The following ADORA3 variants were observed in gnomAD, a reference collection of about 807,000 sequenced individuals.
The protein encoded by ADORA3 is adenosine receptor A3.
Under a neutral mutation model 5.7 loss-of-function variants are expected in ADORA3, and 3 were observed. The ratio of observed to expected loss-of-function variants is 0.52; its 90% CI spans 0.24 to 1.35. The LOEUF (loss-of-function observed/expected upper bound fraction) is 1.35, where lower values mean the gene tolerates loss of function less well. ADORA3 is among the 40% of genes most tolerant of loss of function. The probability of loss-of-function intolerance (pLI) is 0.17; values close to 1 mark genes in which losing one functional copy is unlikely to be tolerated. For synonymous variants in ADORA3, 168 were observed against 152.3 expected, an observed-to-expected ratio of 1.10 and a Z score of -0.76; for missense variants, 343 against 389.0, an observed-to-expected ratio of 0.88 and a Z score of 0.99.
chr1:111,501,854 A>T (rs1236873662), intron 1 of ADORA3, among the ~76,000 whole-genome samples: 1 of 151,856 alleles, frequency 6.6e-6, no homozygotes, highest in East Asian at 1.9e-4. Flanking sequence ...AAGTGACGAG[A>T]AACACGAGAC....
At position 111,499,961 on chromosome 1, in the gene ADORA3, T is replaced by A. The variant is rs745764662; in HGVS notation, c.946A>T (p.Asn316Tyr). 2.4e-5 allele frequency: 39 copies of A among 1,613,798 alleles called. No homozygotes were observed. The highest frequency in any genetic ancestry group is 4.0e-5 in the African/African-American group (3 of 74,894). Residue 316 changes from asparagine to tyrosine, a missense_variant, in exon 2 of 2, where the codon AAT becomes TAT. Coordinates refer to ENST00000241356, the MANE Select transcript of ADORA3 (RefSeq NM_000677.4). Reference sequence around the variant, plus strand: ...TCTCTGATGGATAACTACTCAGAATTCTTCTCAATGCTTGTGTCCAAAGAA... The same window carrying A: ...TCTCTGATGGATAACTACTCAGAATACTTCTCAATGCTTGTGTCCAAAGAA... Reference protein sequence around the residue: ...SDSLDTSIEKNSE With the variant: ...SDSLDTSIEKYSE
At chr1:111,501,398 A>G (rs2100979481) in intron 1 of ADORA3, 1 of 152,340 alleles carries the variant, frequency 6.6e-6, no homozygotes, top group East Asian at 1.9e-4. Flanking sequence ...ATAGTTAAGT[A>G]TCAGTAGATT....
rs1655065669 is a variant in ADORA3 at position 111,499,770 on chromosome 1, G to C, written c.*180C>G. 7.0e-7 allele frequency: 1 copy of C among 1,429,370 alleles called. No individual in the cohort carries two copies. Among genetic ancestry groups the C allele is most frequent in the East Asian group, 2.5e-5 (1 of 40,112 alleles). The allele number at this position is 1,429,370 out of a possible 1,614,324, so 88.5% of individuals were successfully genotyped here. Reference sequence around the variant, plus strand: ...TAGAGAGAAAGGACAAGGGAAAAATGAAGTGGAGGAAGAGAGTAGTGGAGT... The same window carrying C: ...TAGAGAGAAAGGACAAGGGAAAAATCAAGTGGAGGAAGAGAGTAGTGGAGT... On this transcript the variant is annotated 3_prime_UTR_variant, in exon 2 of 2. Coordinates refer to ENST00000241356, the MANE Select transcript of ADORA3 (RefSeq NM_000677.4).
chr1:111,502,544 C>T (rs923427271), intron 1 of ADORA3, among the ~76,000 whole-genome samples: 1 of 147,988 alleles, frequency 6.8e-6, no homozygotes, highest in Non-Finnish European at 1.5e-5. Flanking sequence ...GAAGTAGGCA[C>T]AGAATAGGAA....
Position 111,500,212 on chromosome 1 carries a change from A to G in ADORA3, c.695T>C (p.Leu232Ser), listed in dbSNP as rs765761620. 7 of 1,614,170 alleles carry G rather than the reference A, an allele frequency of 4.3e-6. No homozygotes were observed. The East Asian group carries it at 1.6e-4, about 36-fold the overall frequency. Residue 232 changes from leucine (L) to serine (S), a missense_variant, in exon 2 of 2, where the codon TTG becomes TCG. Physicochemically the swap from Leu to Ser is moderately radical, Grantham distance 145 (BLOSUM62 -2). Transcript: ENST00000241356. ...YGREFKTAKSLFLVLFLFALS... is the reference protein window; with the variant it reads ...YGREFKTAKSSFLVLFLFALS... ...AGCAAACAAGAAAAGAACCAGAAAC[A>G]AGGACTTAGCCGTCTTGAACTCCCG...
Position 111,499,854 on chromosome 1 carries a change from G to A in ADORA3, c.*96C>T. The A allele has an allele frequency of 6.5e-7, 1 of 1,541,890 alleles. No homozygotes were observed. Among genetic ancestry groups the A allele is most frequent in the Non-Finnish European group, 8.7e-7 (1 of 1,147,846 alleles). On this transcript the variant is annotated 3_prime_UTR_variant, in exon 2 of 2. Transcript: ENST00000241356. Reference sequence around the variant, plus strand: ...TCCCACCTCAGTGGAAGTAATCAAGGATGTAAAAATCCCTTGGCCCAGGCA... The same window carrying A: ...TCCCACCTCAGTGGAAGTAATCAAGAATGTAAAAATCCCTTGGCCCAGGCA...
chr1:111,502,161 T>C, intron 1 of ADORA3, among the ~76,000 whole-genome samples: 1 of 71,966 alleles, frequency 1.4e-5, no homozygotes, highest in Non-Finnish European at 2.6e-5. Context: ...ATAGGATATA[T>C]ATTTATTATA....
intron 1 of ADORA3, among the ~76,000 whole-genome samples, chr1:111,501,955 C>A (rs779779970): frequency 3.4e-5 from 5 of 148,034 alleles, no homozygotes; most frequent in Non-Finnish European, 5.9e-5. Context: ...AATATTTTTA[C>A]GAAAAAAGCT....
At chr1:111,502,108 AAT>A (rs1655221411) in intron 1 of ADORA3, among the ~76,000 whole-genome samples, 1 of 27,848 alleles carries the variant, frequency 3.6e-5, no homozygotes, top group Non-Finnish European at 9.3e-5. Flanking sequence ...ATATATATTT[AAT>A]ATAATAAATA....
chr1:111,502,837 A>G (rs1488283498), intron 1 of ADORA3, among the ~76,000 whole-genome samples, 168 bp downstream of exon 1: 1 of 152,024 alleles, frequency 6.6e-6, no homozygotes, highest in Non-Finnish European at 1.5e-5. Context: ...GTCCCAGCCC[A>G]TTGTTGCTAA....
intron 1 of ADORA3, 68 bp downstream of exon 1, chr1:111,502,916 ACATTTTTACTCAAAAAGTCTG>A (rs1655316071): frequency 6.7e-7 from 1 of 1,493,162 alleles, no homozygotes; most frequent in Admixed American, 2.1e-5. Context: ...CAATTTGGAT[ACATTTTTACTCAAAAAGTCTG>A]GGCTCTGGGC....
chr1:111,502,944 G>T, intron 1 of ADORA3, 61 bp downstream of exon 1: 1 of 1,586,272 alleles, frequency 6.3e-7, no homozygotes, highest in East Asian at 2.3e-5. Context: ...TCTGGGCTCT[G>T]GGCTTTGTAG....
rs1280527262 is a variant in ADORA3, at chr1:111,499,635, A to G, written c.*315T>C. ...AACTGGAGCCTTTTGTCAGTAAGTCAACTAGGCACCCTTCAGGCTCCATGA... is the reference window on the plus strand; with the variant it reads ...AACTGGAGCCTTTTGTCAGTAAGTCGACTAGGCACCCTTCAGGCTCCATGA... On this transcript the variant is annotated 3_prime_UTR_variant, in exon 2 of 2. Transcript: ENST00000241356. The G allele has an allele frequency of 2.7e-6, 3 of 1,128,148 alleles. No homozygotes were observed. Among genetic ancestry groups the G allele is most frequent in the Non-Finnish European group, 3.3e-6 (3 of 916,078 alleles). The allele number at this position is 1,128,148 out of a possible 1,614,324, so 69.9% of individuals were successfully genotyped here.
intron 1 of ADORA3, chr1:111,500,891 C>T: frequency 2.3e-6 from 1 of 427,004 alleles, no homozygotes; most frequent in Non-Finnish European, 4.1e-6. Flanking sequence ...TTACTGAGAG[C>T]TATACAACTG....
At position 111,503,291 on chromosome 1, in the gene ADORA3, T is replaced by C; in HGVS notation, c.64A>G (p.Ile22Val). The C allele has an allele frequency of 1.9e-6, 3 of 1,614,156 alleles. No individual in the cohort carries two copies. Among genetic ancestry groups the C allele is most frequent in the Non-Finnish European group, 8.5e-7 (1 of 1,180,008 alleles). Residue 22 changes from isoleucine to valine, a missense_variant, in exon 1 of 2, where the codon ATT becomes GTT. Transcript: ENST00000241356. ...TTGCCCACTATGGCGCAGAGTCCAA[T>C]GAAAATTTCCATGGTGATGTAGGTA... ...NVTYITMEIF[I>V]GLCAIVGNVL...
At position 111,503,041 on chromosome 1, in the gene ADORA3, G is replaced by A. The variant is rs767595515; in HGVS notation, c.314C>T (p.Ala105Val). The change falls in exon 1 of 2, where the codon GCT becomes GTT. Residue 105 changes from alanine (A) to valine (V), a missense_variant. Physicochemically the swap from Ala to Val is moderately conservative, Grantham distance 64. Coordinates refer to ENST00000241356, the MANE Select transcript of ADORA3 (RefSeq NM_000677.4). ...HASIMSLLAI[A>V]VDRYLRVKLT... ...CTTGACCCGCAAGTATCGGTCCACA[G>A]CGATGGCCAGCAAGGACATGATGGA... 6.8e-6 allele frequency: 11 copies of A among 1,614,200 alleles called. No individual in the cohort carries two copies. The highest frequency in any genetic ancestry group is 9.3e-6 in the Non-Finnish European group (11 of 1,180,034).
rs1655071784 is a variant in ADORA3, at chr1:111,499,885, G to A, written c.*65C>T. 1 of 1,579,580 alleles carries A rather than the reference G, an allele frequency of 6.3e-7. No individual in the cohort carries two copies. The highest frequency in any genetic ancestry group is 8.6e-7 in the Non-Finnish European group (1 of 1,163,072). Reference sequence around the variant, plus strand: ...AAAATCCCTTGGCCCAGGCATACAGGCCCTCAAGTGTTTGTTGATGGGGAA... The same window carrying A: ...AAAATCCCTTGGCCCAGGCATACAGACCCTCAAGTGTTTGTTGATGGGGAA... On this transcript the variant is annotated 3_prime_UTR_variant, in exon 2 of 2. Transcript: ENST00000241356.
chr1:111,501,533 G>C (rs1418537699), intron 1 of ADORA3, among the ~76,000 whole-genome samples: 1 of 152,144 alleles, frequency 6.6e-6, no homozygotes, highest in Non-Finnish European at 1.5e-5. Flanking sequence ...TGTGTGACAG[G>C]TATGTTTCTA....
rs75096928 is a variant in ADORA3 at position 111,500,767 on chromosome 1, G to A, written c.351-211C>T. On this transcript the variant is annotated intron_variant, in intron 1 of 1. Transcript: ENST00000241356. ...AAGACAAGATGAGCAGACAACGATT[G>A]GAGAAAAATCCAGGAAACTTCTCTG... 5.8e-4 allele frequency: 330 copies of A among 570,520 alleles called. 1 individual carries two copies. The East Asian group carries it at 9.0e-3, about 16-fold the overall frequency. 35.3% of individuals were successfully genotyped at this position (570,520 alleles called of 1,614,324 possible). A position where few individuals can be genotyped will look rare whatever the true frequency, so the allele number is the denominator to read the frequency against.
Sources: gnomAD v4.1 joint callset for allele counts (sites outside exome capture counted in the v4.1 genomes callset) on GRCh38, gnomAD v4.1.1 for gene constraint, MANE v1.5 for transcripts, NCBI Gene and HGNC (gene_info 2026-07-23, HGNC 2026-07-21) for gene names.